The following INSL6 variants were observed in gnomAD, a reference collection of about 807,000 sequenced individuals.
The protein encoded by INSL6 is insulin like 6.
INSL6 carries 16 observed loss-of-function variants against 9.4 expected under a neutral mutation model. The observed-to-expected ratio is 1.70, with a 90% CI of 1.15 to 2.59. The LOEUF (loss-of-function observed/expected upper bound fraction) is 2.59, where lower values mean the gene tolerates loss of function less well. Among genes scored for constraint, INSL6 ranks in the 30% most tolerant of loss-of-function variants. The pLI, the probability that INSL6 is intolerant of heterozygous loss-of-function variation, is 0.00. For missense variants in INSL6, 391 were observed against 257.3 expected (o/e 1.52, Z -3.56); for synonymous variants, 154 against 96.9 (o/e 1.59, Z -3.46).
chr9:5,169,277 C>A (rs1217689489), intron 1 of INSL6, among the ~76,000 whole-genome samples: 1 of 152,134 alleles, frequency 6.6e-6, no homozygotes, highest in African/African-American at 2.4e-5. Flanking sequence ...CCAAACTAAG[C>A]TTTATAAGCA....
chr9:5,146,987 C>G (rs973428451), intron 2 of INSL6, among the ~76,000 whole-genome samples: 1 of 152,144 alleles, frequency 6.6e-6, no homozygotes, highest in African/African-American at 2.4e-5. Flanking sequence ...AGGACCAGCC[C>G]TATCTGATGT....
At chr9:5,179,611 T>G (rs1825399120) in intron 1 of INSL6, among the ~76,000 whole-genome samples, 1 of 152,150 alleles carries the variant, frequency 6.6e-6, no homozygotes, top group Non-Finnish European at 1.5e-5. Flanking sequence ...CCACCAATGA[T>G]AAACTGGATA....
the INSL6 span, among the ~76,000 whole-genome samples, chr9:5,081,529 A>G: frequency 4.6e-5 from 7 of 152,142 alleles, no homozygotes; most frequent in Admixed American, 2.6e-4. Flanking sequence ...ATCCTTTGCA[A>G]AGTCTCTCTT....
chr9:5,181,038 T>G (rs1442468982), intron 1 of INSL6, among the ~76,000 whole-genome samples: 1 of 152,238 alleles, frequency 6.6e-6, no homozygotes, highest in Non-Finnish European at 1.5e-5. Context: ...GTAAAATTCC[T>G]TTCTTTGTAC....
chr9:5,012,079 C>T, the INSL6 span, among the ~76,000 whole-genome samples: 1 of 152,224 alleles, frequency 6.6e-6, no homozygotes. Flanking sequence ...TCAGGCCCCA[C>T]TGACTCCCAT....
chr9:5,042,283 G>A, the INSL6 span, among the ~76,000 whole-genome samples: 2 of 151,636 alleles, frequency 1.3e-5, no homozygotes, highest in Non-Finnish European at 1.5e-5. Flanking sequence ...GACTACAGGC[G>A]CCCGCCACCG....
downstream of INSL6, among the ~76,000 whole-genome samples, chr9:5,123,485 T>C (rs1342597974): frequency 3.3e-5 from 5 of 152,054 alleles, no homozygotes; most frequent in African/African-American, 1.2e-4. Flanking sequence ...ATAATTTCAT[T>C]CGTTGTTATG....
At chr9:5,155,567 C>T (rs1311324533) in intron 2 of INSL6, among the ~76,000 whole-genome samples, 2 of 150,076 alleles carry the variant, frequency 1.3e-5, no homozygotes, top group South Asian at 2.1e-4. Context: ...GGCAGATATA[C>T]ACCATGGAAT....
At chr9:5,155,799 TA>T (rs1281632693) in intron 2 of INSL6, among the ~76,000 whole-genome samples, 3 of 151,682 alleles carry the variant, frequency 2.0e-5, no homozygotes, top group African/African-American at 7.3e-5. Context: ...GGGATTGCAT[TA>T]GGAGAAATAC....
the INSL6 span, chr9:5,064,754 A>G: frequency 1.7e-6 from 1 of 587,436 alleles, no homozygotes; most frequent in Non-Finnish European, 2.9e-6. Context: ...CATATTGAGT[A>G]CTGAGCCATA....
the INSL6 span, chr9:5,050,642 A>C: frequency 6.4e-7 from 1 of 1,559,900 alleles, no homozygotes; most frequent in Non-Finnish European, 8.8e-7. Context: ...AAACATGATA[A>C]TGAAACTTAC....
intron 3 of INSL6, among the ~76,000 whole-genome samples, chr9:5,130,686 CAG>C (rs1303219619): frequency 6.6e-6 from 1 of 151,510 alleles, no homozygotes; most frequent in Non-Finnish European, 1.5e-5. Context: ...TATGGAAACT[CAG>C]AGTATGAATT....
intron 2 of INSL6, among the ~76,000 whole-genome samples, chr9:5,149,109 T>C (rs1824660774): frequency 6.6e-6 from 1 of 152,178 alleles, no homozygotes; most frequent in African/African-American, 2.4e-5. Context: ...TCCATCTCTG[T>C]CGAATCTCTG....
At chr9:5,173,610 A>C (rs1825232781) in intron 1 of INSL6, among the ~76,000 whole-genome samples, 1 of 145,656 alleles carries the variant, frequency 6.9e-6, no homozygotes, top group Non-Finnish European at 1.5e-5. Context: ...GGCCTGTCAG[A>C]GGGTGGGGTT....
At chr9:5,154,881 T>C (rs1824786343) in intron 2 of INSL6, among the ~76,000 whole-genome samples, 1 of 152,154 alleles carries the variant, frequency 6.6e-6, no homozygotes, top group South Asian at 2.1e-4. Context: ...TTGGTGGGAC[T>C]GTAAACTAGT....
intron 2 of INSL6, among the ~76,000 whole-genome samples, chr9:5,140,164 A>T (rs773832266): frequency 2.6e-5 from 4 of 152,174 alleles, no homozygotes; most frequent in Non-Finnish European, 4.4e-5. Flanking sequence ...CAAATCAATA[A>T]CCTGGGAAAT....
chr9:5,078,453 T>C, the INSL6 span: 1 of 1,608,108 alleles, frequency 6.2e-7, no homozygotes, highest in South Asian at 1.1e-5. Context: ...CAGTAAGTTC[T>C]AGAAGGATTA....
downstream of INSL6, among the ~76,000 whole-genome samples, chr9:5,162,684 G>C (rs1248492477): frequency 6.6e-6 from 1 of 152,188 alleles, no homozygotes; most frequent in Non-Finnish European, 1.5e-5. Context: ...ACTGAATGCA[G>C]ACTGTACCCT....
the INSL6 span, among the ~76,000 whole-genome samples, chr9:5,115,096 T>C: frequency 6.6e-5 from 10 of 152,226 alleles, no homozygotes; most frequent in East Asian, 3.9e-4. Flanking sequence ...AACAGCTGCA[T>C]AGCAAAAGAA....
Sources: allele counts gnomAD v4.1 joint callset (sites outside exome capture counted in the v4.1 genomes callset), GRCh38; gene constraint gnomAD v4.1.1; transcripts MANE v1.5; gene names NCBI Gene and HGNC (gene_info 2026-07-23, HGNC 2026-07-21).